The following UGGT2 variants were observed in gnomAD, a reference collection of about 807,000 sequenced individuals.
The protein encoded by UGGT2 is UDP-glucose glycoprotein glucosyltransferase 2.
In UGGT2, 180 loss-of-function variants were observed where a neutral mutation model predicts 192.1. The observed-to-expected ratio is 0.94, with a 90% confidence interval of 0.83 to 1.06. UGGT2 has a LOEUF of 1.06. Ranked by LOEUF, UGGT2 falls within the 50% of genes least tolerant of loss-of-function variation. The pLI is 0.00. For missense variants in UGGT2, 1,849 were observed against 1,795.7 expected (o/e 1.03, Z -0.54); for synonymous variants, 580 against 591.0 (o/e 0.98, Z 0.27).
chr13:95,822,263 G>A (rs1885586592), intron 38 of UGGT2, among the ~76,000 whole-genome samples: 1 of 151,898 alleles, frequency 6.6e-6, no homozygotes, highest in African/African-American at 2.4e-5. Context: ...TTACCTCCTT[G>A]GTTAGGTATA....
At chr13:96,024,107 G>A (rs1452258676) in intron 2 of UGGT2, among the ~76,000 whole-genome samples, 1 of 152,160 alleles carries the variant, frequency 6.6e-6, no homozygotes, top group African/African-American at 2.4e-5. Flanking sequence ...AAGAACAGCA[G>A]AAAAGTTAAA....
intron 36 of UGGT2, among the ~76,000 whole-genome samples, chr13:95,850,201 G>C (rs925009725): frequency 6.6e-6 from 1 of 152,116 alleles, no homozygotes; most frequent in South Asian, 2.1e-4. Flanking sequence ...TCCAACCATA[G>C]GCTACCTTTC....
chr13:96,033,937 C>A (rs376100883), intron 1 of UGGT2, among the ~76,000 whole-genome samples: 2 of 152,128 alleles, frequency 1.3e-5, no homozygotes, highest in African/African-American at 4.8e-5. Context: ...AGGGATGGGT[C>A]CCCGGTGAAG....
intron 15 of UGGT2, among the ~76,000 whole-genome samples, chr13:95,945,050 G>C (rs2049818115): frequency 6.6e-6 from 1 of 151,760 alleles, no homozygotes; most frequent in Non-Finnish European, 1.5e-5. Context: ...ATTTGTGATA[G>C]TCACCTTGTG....
chr13:95,952,814 A>T (rs1467878757), intron 12 of UGGT2, among the ~76,000 whole-genome samples: 7 of 152,210 alleles, frequency 4.6e-5, no homozygotes, highest in African/African-American at 1.7e-4. Context: ...TACTCTTGGC[A>T]GTTAAATTAA....
intron 15 of UGGT2, among the ~76,000 whole-genome samples, chr13:95,942,445 C>T (rs1253811380): frequency 6.6e-6 from 1 of 152,046 alleles, no homozygotes; most frequent in African/African-American, 2.4e-5. Flanking sequence ...TTTCTTAATT[C>T]CTGCCAAATT....
chr13:96,028,670 T>C (rs2052737306), intron 2 of UGGT2, among the ~76,000 whole-genome samples: 1 of 152,198 alleles, frequency 6.6e-6, no homozygotes, highest in Non-Finnish European at 1.5e-5. Flanking sequence ...AAACTAGTAC[T>C]TGAATTCAAA....
intron 38 of UGGT2, among the ~76,000 whole-genome samples, chr13:95,818,283 G>A (rs1310131094): frequency 6.6e-6 from 1 of 152,224 alleles, no homozygotes; most frequent in East Asian, 1.9e-4. Context: ...CTACATGCAA[G>A]CCTGGGAGGC....
At chr13:95,970,790 G>A (rs2050749111) in intron 11 of UGGT2, among the ~76,000 whole-genome samples, 1 of 152,138 alleles carries the variant, frequency 6.6e-6, no homozygotes, top group Non-Finnish European at 1.5e-5. Context: ...TAACCCCATT[G>A]ACAACAAATT....
intron 10 of UGGT2, among the ~76,000 whole-genome samples, chr13:95,979,836 T>C (rs1465442677): frequency 3.9e-5 from 6 of 151,968 alleles, no homozygotes; most frequent in Non-Finnish European, 7.4e-5. Context: ...GCTAAGAACA[T>C]GAATTAGACA....
intron 1 of UGGT2, among the ~76,000 whole-genome samples, chr13:96,048,588 T>C (rs1449172313): frequency 6.6e-6 from 1 of 152,042 alleles, no homozygotes; most frequent in Non-Finnish European, 1.5e-5. Context: ...GATAGACCGC[T>C]AGCAAGACTA....
At chr13:95,873,151 C>G (rs560985377) in intron 29 of UGGT2, among the ~76,000 whole-genome samples, 25 of 152,246 alleles carry the variant, frequency 1.6e-4, no homozygotes, top group South Asian at 6.2e-4. Context: ...GAATTCCTGG[C>G]AAAGCAGTTT....
intron 2 of UGGT2, among the ~76,000 whole-genome samples, chr13:96,025,292 T>C (rs966700048): frequency 4.6e-5 from 7 of 152,144 alleles, no homozygotes; most frequent in African/African-American, 1.7e-4. Flanking sequence ...GTCCAATTAA[T>C]AGGATTTGAG....
At chr13:95,933,121 C>T (rs2049343072) in intron 17 of UGGT2, among the ~76,000 whole-genome samples, 1 of 152,154 alleles carries the variant, frequency 6.6e-6, no homozygotes, top group South Asian at 2.1e-4. Flanking sequence ...ATTAATCACT[C>T]CTCCTTGGTT....
At chr13:95,961,682 A>C (rs1323631527) in intron 12 of UGGT2, among the ~76,000 whole-genome samples, 2 of 152,126 alleles carry the variant, frequency 1.3e-5, no homozygotes, top group Non-Finnish European at 2.9e-5. Context: ...TCTCAGCAAT[A>C]CCTAGATGGA....
Position 95,990,078 on chromosome 13 carries a change from A to G in UGGT2, c.831-5T>C. ...CTAAGATCTGAATATATTTCTCTGC[A>G]TCAAAATATTAAGTGATGTTAAGTA... is the stretch of plus-strand genomic sequence containing the variant. On this transcript the variant is annotated splice_region_variant and splice_polypyrimidine_tract_variant and intron_variant, in intron 7 of 38. Transcript: ENST00000376747. 1 of 1,581,412 alleles carries G rather than the reference A, an allele frequency of 6.3e-7. No individual in the cohort carries two copies.
chr13:95,922,082 ATAC>A (rs1012518731), intron 20 of UGGT2, among the ~76,000 whole-genome samples: 1 of 152,248 alleles, frequency 6.6e-6, no homozygotes, highest in Non-Finnish European at 1.5e-5. Context: ...ACACCATGGA[ATAC>A]TACACAATAT....
intron 16 of UGGT2, among the ~76,000 whole-genome samples, chr13:95,938,720 A>G (rs1447635771): frequency 6.6e-6 from 1 of 152,078 alleles, no homozygotes; most frequent in African/African-American, 2.4e-5. Flanking sequence ...CATCAACACT[A>G]CCAGTTAGTT....
rs181139501 is a variant in UGGT2, at chr13:95,930,918, G to C, written c.1978-3582C>G. ...TGTTACAGCTCTCAAAGGCAGCACGGACCCAAAGACTGAGCAGCAGAAAGA... is the reference window on the plus strand; with the variant it reads ...TGTTACAGCTCTCAAAGGCAGCACGCACCCAAAGACTGAGCAGCAGAAAGA... On this transcript the variant is annotated intron_variant, in intron 17 of 38. Transcript: ENST00000376747. 3.2e-3 allele frequency among the ~76,000 whole-genome samples: 483 copies of C among 152,278 alleles called. 3 individuals are homozygous for C. The highest frequency in any genetic ancestry group is 0.011 in the African/African-American group (461 of 41,566).
Sources: gnomAD v4.1 joint callset for allele counts (sites outside exome capture counted in the v4.1 genomes callset) on GRCh38, gnomAD v4.1.1 for gene constraint, MANE v1.5 for transcripts, NCBI Gene and HGNC (gene_info 2026-07-23, HGNC 2026-07-21) for gene names.